The following COL25A1 variants were observed in gnomAD, a reference collection of about 807,000 sequenced individuals.
COL25A1 encodes collagen type XXV alpha 1 chain.
COL25A1 carries 103 observed loss-of-function variants against 128.4 expected under a neutral mutation model. That is an observed-to-expected ratio of 0.80 (90% CI 0.68 to 0.94). COL25A1 has a LOEUF of 0.94. Among genes scored for constraint, COL25A1 ranks in the 40% least tolerant of loss-of-function variants. COL25A1 has a pLI of 0.00. For missense variants in COL25A1, 745 were observed against 840.0 expected (o/e 0.89, Z 1.40); for synonymous variants, 279 against 277.2 (o/e 1.01, Z -0.06).
intron 19 of COL25A1, among the ~76,000 whole-genome samples, chr4:108,876,816 C>T (rs1739510225): frequency 6.6e-6 from 1 of 152,154 alleles, no homozygotes; most frequent in Non-Finnish European, 1.5e-5. Flanking sequence ...TTCTGGTCTT[C>T]TCCTGGATAT....
At chr4:109,234,412 CT>C (rs1779341215) in intron 3 of COL25A1, among the ~76,000 whole-genome samples, 1 of 152,138 alleles carries the variant, frequency 6.6e-6, no homozygotes, top group South Asian at 2.1e-4. Flanking sequence ...AATTTCTTCT[CT>C]GTTGACAATT....
intron 3 of COL25A1, among the ~76,000 whole-genome samples, chr4:109,145,909 C>T (rs1392835641): frequency 6.6e-6 from 1 of 152,098 alleles, no homozygotes. Context: ...TTGGATATAT[C>T]TCCAAATATC....
At chr4:108,978,704 T>C (rs767518881) in intron 6 of COL25A1, among the ~76,000 whole-genome samples, 3 of 152,212 alleles carry the variant, frequency 2.0e-5, no homozygotes, top group Non-Finnish European at 4.4e-5. Flanking sequence ...ACATATTTAT[T>C]GTTCAGGTGA....
intron 8 of COL25A1, among the ~76,000 whole-genome samples, chr4:108,942,749 CTTTTT>C (rs746618908): frequency 1.4e-5 from 1 of 69,960 alleles, no homozygotes; most frequent in African/African-American, 6.6e-5. Flanking sequence ...CACATCTGGA[CTTTTT>C]TTTTTTTTTT....
chr4:108,909,919 C>T (rs945608398), intron 13 of COL25A1, among the ~76,000 whole-genome samples: 2 of 152,176 alleles, frequency 1.3e-5, no homozygotes, highest in Non-Finnish European at 2.9e-5. Flanking sequence ...AGCCTCCAAG[C>T]CCTGCTCATA....
intron 3 of COL25A1, among the ~76,000 whole-genome samples, chr4:109,218,357 G>GTTTTT (rs34056401): frequency 9.1e-4 from 67 of 73,562 alleles, no homozygotes; most frequent in Non-Finnish European, 1.1e-3. Flanking sequence ...GTTTTTTGGG[G>GTTTTT]TTTTTTTTTT....
At chr4:108,998,731 T>C (rs1053146748) in intron 6 of COL25A1, among the ~76,000 whole-genome samples, 1 of 152,166 alleles carries the variant, frequency 6.6e-6, no homozygotes, top group African/African-American at 2.4e-5. Flanking sequence ...AAGGCTACAG[T>C]AACCAAAACA....
intron 8 of COL25A1, among the ~76,000 whole-genome samples, chr4:108,973,557 T>A (rs754911164): frequency 6.6e-6 from 1 of 152,248 alleles, no homozygotes; most frequent in Non-Finnish European, 1.5e-5. Flanking sequence ...AGTTTCTTTT[T>A]TCAACCTGAA....
At position 108,810,380 on chromosome 4, in the gene COL25A1, G is replaced by C. The variant is rs1481689748; in HGVS notation, c.*3547C>G. 6.6e-6 allele frequency: 1 copy of C among 151,894 alleles called. No individual in the cohort carries two copies. Among genetic ancestry groups the C allele is most frequent in the Non-Finnish European group, 1.5e-5 (1 of 67,818 alleles). 9.4% of individuals were successfully genotyped at this position (151,894 alleles called of 1,614,324 possible). On this transcript the variant is annotated 3_prime_UTR_variant, in exon 38 of 38. Coordinates refer to ENST00000399132, the MANE Select transcript of COL25A1 (RefSeq NM_198721.4). ...ACTAGTTGATGTGTAAGTTCTTGCTGTCCCATCAGAACATCGTATGCACAG... is the reference window on the plus strand; with the variant it reads ...ACTAGTTGATGTGTAAGTTCTTGCTCTCCCATCAGAACATCGTATGCACAG...
chr4:109,011,369 T>C (rs1170430680), intron 5 of COL25A1, among the ~76,000 whole-genome samples: 1 of 152,194 alleles, frequency 6.6e-6, no homozygotes, highest in African/African-American at 2.4e-5. Flanking sequence ...ACTTGTTCTC[T>C]AACTCACTGG....
intron 19 of COL25A1, among the ~76,000 whole-genome samples, chr4:108,883,288 A>G (rs1329215834): frequency 6.6e-6 from 1 of 152,050 alleles, no homozygotes; most frequent in Non-Finnish European, 1.5e-5. Flanking sequence ...TCAGCCTCCC[A>G]AAGTGTTAGG....
intron 24 of COL25A1, among the ~76,000 whole-genome samples, chr4:108,859,296 A>T (rs1303244608): frequency 6.6e-6 from 1 of 152,148 alleles, no homozygotes; most frequent in African/African-American, 2.4e-5. Flanking sequence ...GAGAGCTGAG[A>T]TTTGAATGCA....
intron 32 of COL25A1, among the ~76,000 whole-genome samples, chr4:108,827,408 C>G (rs535364746): frequency 2.0e-5 from 3 of 152,340 alleles, no homozygotes; most frequent in Admixed American, 6.5e-5. Context: ...AAGATTGCTG[C>G]TGGCCAGCTG....
At chr4:108,899,072 C>A (rs375859974) in intron 15 of COL25A1, 82 bp downstream of exon 15, 59 of 1,350,892 alleles carry the variant, frequency 4.4e-5, no homozygotes, top group Middle Eastern at 1.8e-4. Context: ...TCCATTCATG[C>A]ATATAGTTTA....
intron 3 of COL25A1, among the ~76,000 whole-genome samples, chr4:109,083,556 G>C (rs949666639): frequency 7.1e-6 from 1 of 141,082 alleles, no homozygotes; most frequent in African/African-American, 2.7e-5. Context: ...TCCGCCTCCC[G>C]GGTTCACGCC....
At chr4:109,280,239 C>A (rs937137822) in intron 3 of COL25A1, among the ~76,000 whole-genome samples, 1 of 152,172 alleles carries the variant, frequency 6.6e-6, no homozygotes, top group African/African-American at 2.4e-5. Flanking sequence ...AAAAACACCT[C>A]AAATACCCAT....
At chr4:109,008,694 G>A (rs1435844745) in intron 6 of COL25A1, among the ~76,000 whole-genome samples, 1 of 152,068 alleles carries the variant, frequency 6.6e-6, no homozygotes, top group Non-Finnish European at 1.5e-5. Context: ...AGTTTATGGT[G>A]TCATTCATGT....
intron 6 of COL25A1, among the ~76,000 whole-genome samples, chr4:108,986,572 G>A (rs1018816011): frequency 6.6e-6 from 1 of 152,010 alleles, no homozygotes; most frequent in Non-Finnish European, 1.5e-5. Context: ...CCAGAATGTG[G>A]GACACTCTAA....
At chr4:109,017,010 G>T (rs2345008) in intron 5 of COL25A1, among the ~76,000 whole-genome samples, 5 of 152,212 alleles carry the variant, frequency 3.3e-5, no homozygotes, top group East Asian at 1.9e-4. Flanking sequence ...TGGCCCTTCA[G>T]GGAGCCCAGA....
Sources: gnomAD v4.1 joint callset for allele counts (sites outside exome capture counted in the v4.1 genomes callset) on GRCh38, gnomAD v4.1.1 for gene constraint, MANE v1.5 for transcripts, NCBI Gene and HGNC (gene_info 2026-07-23, HGNC 2026-07-21) for gene names.